BLTP1: variants seen among roughly 807,000 people sequenced by gnomAD.
The protein encoded by BLTP1 is fragile site-associated protein.
At chr4:122,161,272 C>A in the BLTP1 span, 1 of 250,598 alleles carries the variant, frequency 4.0e-6, no homozygotes, top group Non-Finnish European at 6.3e-6. Context: ...TTTTTTTTTT[C>A]ATTTTTGTTC....
At chr4:122,164,278 G>A in the BLTP1 span, 14 of 497,824 alleles carry the variant, frequency 2.8e-5, no homozygotes, top group East Asian at 1.5e-4. Context: ...AAAAAAAGCC[G>A]TTTTCCCAAC....
At chr4:122,207,954 A>T in the BLTP1 span, 1 of 982,808 alleles carries the variant, frequency 1.0e-6, no homozygotes, top group Non-Finnish European at 1.2e-6. Context: ...CTAATTTTAT[A>T]CTTCCCTTTA....
chr4:122,184,853 T>G, the BLTP1 span: 1 of 984,668 alleles, frequency 1.0e-6, no homozygotes, highest in Admixed American at 6.2e-5. Flanking sequence ...ACTTATCTAA[T>G]GAACAGCTGC....
chr4:122,346,036 C>T, the BLTP1 span: 10 of 983,990 alleles, frequency 1.0e-5, no homozygotes, highest in African/African-American at 1.7e-4. Context: ...TAGCGGGTAT[C>T]GCTATGTAGG....
the BLTP1 span, chr4:122,183,520 A>G: frequency 1.0e-6 from 1 of 985,016 alleles, no homozygotes; most frequent in Non-Finnish European, 1.2e-6. Flanking sequence ...TGCAATCAAT[A>G]TTTATGATAA....
chr4:122,290,070 G>C, the BLTP1 span, among the ~76,000 whole-genome samples: 1 of 152,192 alleles, frequency 6.6e-6, no homozygotes, highest in Non-Finnish European at 1.5e-5. Context: ...AAGGAGGACA[G>C]TGCTCCTTGG....
the BLTP1 span, chr4:122,167,665 T>G: frequency 1.0e-6 from 1 of 985,286 alleles, no homozygotes; most frequent in African/African-American, 1.7e-5. Context: ...TCACTCTGGT[T>G]TTGACACCCT....
At chr4:122,175,822 T>A in the BLTP1 span, 214 of 1,496,522 alleles carry the variant, frequency 1.4e-4, 5 homozygotes, top group South Asian at 1.7e-3. Flanking sequence ...GTTACTTAAA[T>A]TCTAATTTTG....
the BLTP1 span, chr4:122,255,063 GA>G: frequency 6.6e-7 from 1 of 1,518,840 alleles, no homozygotes; most frequent in Middle Eastern, 1.8e-4. Context: ...CTTAATTACT[GA>G]ATGTCTTTTA....
chr4:122,214,316 T>C, the BLTP1 span: 7 of 925,528 alleles, frequency 7.6e-6, no homozygotes, highest in Non-Finnish European at 7.7e-6. Context: ...CTTAAGTAAA[T>C]TGAAATGTAG....
chr4:122,210,027 CAT>C, the BLTP1 span: 1 of 1,442,650 alleles, frequency 6.9e-7, no homozygotes, highest in Non-Finnish European at 9.3e-7. Flanking sequence ...ATTCTTGTGA[CAT>C]AGTATAAATA....
At chr4:122,237,948 A>G in the BLTP1 span, 1 of 822,818 alleles carries the variant, frequency 1.2e-6, no homozygotes, top group Non-Finnish European at 1.7e-6. Flanking sequence ...GTGCCACTGT[A>G]TTCCAGCCTG....
At chr4:122,321,914 AAGTC>A in the BLTP1 span, among the ~76,000 whole-genome samples, 1 of 147,458 alleles carries the variant, frequency 6.8e-6, no homozygotes, top group Non-Finnish European at 1.5e-5. Flanking sequence ...TCTGAGGAAA[AAGTC>A]AGGCTTTTTT....
chr4:122,224,271 A>C, the BLTP1 span, among the ~76,000 whole-genome samples: 1 of 152,066 alleles, frequency 6.6e-6, no homozygotes, highest in African/African-American at 2.4e-5. Context: ...AGACTCAGCT[A>C]TCTTGCTTTT....
chr4:122,237,082 GGTA>G, the BLTP1 span: 1 of 984,370 alleles, frequency 1.0e-6, no homozygotes, highest in African/African-American at 1.7e-5. Flanking sequence ...TTACATTTGT[GGTA>G]GTAGAAGTAA....
the BLTP1 span, chr4:122,201,092 C>T: frequency 6.2e-7 from 1 of 1,613,502 alleles, no homozygotes; most frequent in Non-Finnish European, 8.5e-7. Flanking sequence ...AAGCCACTTA[C>T]CACTTCATCT....
At chr4:122,162,122 C>T in the BLTP1 span, among the ~76,000 whole-genome samples, 1 of 152,140 alleles carries the variant, frequency 6.6e-6, no homozygotes, top group Non-Finnish European at 1.5e-5. Context: ...ACTTAATACT[C>T]AGAATTTCTG....
the BLTP1 span, chr4:122,354,043 A>T: frequency 6.2e-7 from 1 of 1,601,196 alleles, no homozygotes; most frequent in Non-Finnish European, 8.5e-7. Context: ...CTTTGGAGAG[A>T]TTTATTTTGT....
the BLTP1 span, among the ~76,000 whole-genome samples, chr4:122,338,689 T>TA: frequency 1.9e-3 from 295 of 152,084 alleles, 1 homozygote; most frequent in African/African-American, 6.8e-3. Context: ...GAGGAATTAC[T>TA]AAAAAAAGAG....
Sources: allele counts gnomAD v4.1 joint callset (sites outside exome capture counted in the v4.1 genomes callset), GRCh38; gene constraint gnomAD v4.1.1; transcripts MANE v1.5; gene names NCBI Gene and HGNC (gene_info 2026-07-23, HGNC 2026-07-21).